Variants in PCDH15 observed in about 807,000 individuals in gnomAD.
PCDH15 encodes protocadherin related 15.
A neutral mutation model predicts 178.5 loss-of-function variants in PCDH15; 129 were observed. The observed-to-expected ratio is 0.72, with a 90% confidence interval of 0.63 to 0.84. The LOEUF is 0.84. Among genes scored for constraint, PCDH15 ranks in the 40% least tolerant of loss-of-function variants. The probability of loss-of-function intolerance (pLI) is 0.00; values close to 1 mark genes in which losing one functional copy is unlikely to be tolerated. For synonymous variants in PCDH15, 800 were observed against 732.0 expected, an observed-to-expected ratio of 1.09 and a Z score of -1.50; for missense variants, 2,230 against 2,099.9, an observed-to-expected ratio of 1.06 and a Z score of -1.21.
intron 21 of PCDH15, among the ~76,000 whole-genome samples, chr10:53,982,553 A>C (rs991174873): frequency 1.3e-5 from 2 of 151,650 alleles, no homozygotes; most frequent in Non-Finnish European, 2.9e-5. Context: ...CATCATTTTC[A>C]GCAAACTATC....
At chr10:55,610,169 G>T (rs1164359879) in intron 2 of PCDH15, among the ~76,000 whole-genome samples, 1 of 152,042 alleles carries the variant, frequency 6.6e-6, no homozygotes, top group East Asian at 1.9e-4. Context: ...CTAAAAGCTG[G>T]AAGGCCAGTC....
intron 2 of PCDH15, among the ~76,000 whole-genome samples, chr10:54,624,793 T>C (rs1442764323): frequency 2.0e-5 from 3 of 152,184 alleles, no homozygotes; most frequent in Non-Finnish European, 4.4e-5. Flanking sequence ...GAACTGTGCA[T>C]ATGAGGGGTC....
At chr10:54,471,621 C>A (rs2077924433) in intron 3 of PCDH15, among the ~76,000 whole-genome samples, 1 of 151,252 alleles carries the variant, frequency 6.6e-6, no homozygotes, top group East Asian at 1.9e-4. Flanking sequence ...ATTGCAGAAT[C>A]TTCTATTTTA....
intron 2 of PCDH15, among the ~76,000 whole-genome samples, chr10:55,529,785 A>G (rs1443303349): frequency 1.6e-5 from 2 of 125,394 alleles, no homozygotes; most frequent in Non-Finnish European, 3.4e-5. Context: ...ATATTTGATT[A>G]CCACAAATAC....
At chr10:55,038,029 G>T (rs1031143411) in intron 2 of PCDH15, among the ~76,000 whole-genome samples, 2 of 152,024 alleles carry the variant, frequency 1.3e-5, no homozygotes, top group Admixed American at 1.3e-4. Context: ...ACACAGAAAT[G>T]ATCTAGATAA....
At chr10:54,244,780 A>G (rs771169768) in intron 8 of PCDH15, among the ~76,000 whole-genome samples, 6 of 152,176 alleles carry the variant, frequency 3.9e-5, no homozygotes, top group Non-Finnish European at 8.8e-5. Flanking sequence ...GTGCACATCA[A>G]AAATCCTCCA....
Position 55,306,071 on chromosome 10 carries a change from TA to T in PCDH15, c.-156+13527del, listed in dbSNP as rs1260769182. 2.6e-5 allele frequency among the ~76,000 whole-genome samples: 4 copies of T among 152,362 alleles called. No homozygotes were observed. In the East Asian group the frequency reaches 7.7e-4, roughly 29 times the overall value. ...ATAAAATGGCAATCATGTATAATTT[TA>T]AATGTAAATGGTAGACCCACCCAAG... On this transcript the variant is annotated intron_variant, in intron 1 of 5. Coordinates refer to the PCDH15 transcript ENST00000458638.
chr10:55,220,636 A>G (rs867445469), intron 1 of PCDH15, among the ~76,000 whole-genome samples: 17 of 152,218 alleles, frequency 1.1e-4, no homozygotes, highest in Middle Eastern at 3.4e-3. Context: ...TTACAACACA[A>G]TGGTAAGTAC....
intron 1 of PCDH15, among the ~76,000 whole-genome samples, chr10:54,702,926 A>C (rs1432469506): frequency 1.3e-5 from 2 of 151,942 alleles, no homozygotes; most frequent in Non-Finnish European, 2.9e-5. Flanking sequence ...GAAAACTTCA[A>C]GCCAGTATTC....
At chr10:54,025,151 T>A (rs528904166) in intron 18 of PCDH15, among the ~76,000 whole-genome samples, 6 of 152,334 alleles carry the variant, frequency 3.9e-5, no homozygotes, top group Non-Finnish European at 8.8e-5. Context: ...GTTTTATACA[T>A]GTCCAGCTGC....
Position 54,449,928 on chromosome 10 carries a change from G to A in PCDH15, c.158-70986C>T, listed in dbSNP as rs909490905. Among the ~76,000 whole-genome samples the A allele has an allele frequency of 2.6e-5, 4 of 151,372 alleles. No homozygotes were observed. The East Asian group carries it at 5.8e-4, about 22-fold the overall frequency. On this transcript the variant is annotated intron_variant, in intron 3 of 37. Transcript: ENST00000644397. ...GCTACAAAAGCAAATTACTTATTTC[G>A]CCTCTTGCTGTTGACTTAAGGAAAA... is the stretch of plus-strand genomic sequence containing the variant.
intron 5 of PCDH15, among the ~76,000 whole-genome samples, chr10:54,351,654 G>A (rs576964910): frequency 2.6e-5 from 4 of 151,942 alleles, no homozygotes; most frequent in Non-Finnish European, 4.4e-5. Context: ...CTGGTTCCTC[G>A]GACAACCTCA....
intron 1 of PCDH15, among the ~76,000 whole-genome samples, chr10:55,248,484 T>G (rs575954113): frequency 1.3e-5 from 2 of 152,132 alleles, no homozygotes; most frequent in African/African-American, 2.4e-5. Context: ...GGGCCTATTA[T>G]GAGATAAAGG....
At chr10:54,309,969 C>G (rs2060801542) in intron 8 of PCDH15, among the ~76,000 whole-genome samples, 1 of 151,900 alleles carries the variant, frequency 6.6e-6, no homozygotes. Flanking sequence ...AATGGGATCA[C>G]AAAGAGAAAC....
chr10:55,542,279 G>A lies in PCDH15; in HGVS notation c.-156+85346C>T, dbSNP rs114704498. ...TGTATGTACAGTATGTCTATATTAT[G>A]TATATATGGACATATGTACAATATG... On this transcript the variant is annotated intron_variant, in intron 2 of 5. Transcript: ENST00000613346. Among the ~76,000 whole-genome samples, 760 of 150,638 alleles carry A rather than the reference G, an allele frequency of 5.0e-3. 3 individuals carry two copies. Among genetic ancestry groups the A allele is most frequent in the African/African-American group, 0.018 (723 of 41,212 alleles).
chr10:55,003,930 A>G (rs1446886054), intron 2 of PCDH15, among the ~76,000 whole-genome samples: 4 of 152,228 alleles, frequency 2.6e-5, no homozygotes, highest in Non-Finnish European at 5.9e-5. Context: ...ACATGCAGGT[A>G]TCTGCAGGTG....
chr10:54,599,869 G>A lies in PCDH15; in HGVS notation c.91+64303C>T. The A allele has an allele frequency of 7.4e-6, 5 of 677,992 alleles. No homozygotes were observed. The South Asian group carries it at 7.7e-5, about 10-fold the overall frequency. The allele number at this position is 677,992 out of a possible 1,614,324, so 42.0% of individuals were successfully genotyped here. On this transcript the variant is annotated intron_variant, in intron 2 of 37. Transcript: ENST00000644397. ...AGAAACAGAGGCTGAAGGTGAAGTA[G>A]AGGAAGCCAAAGCTAAAGAGGAAAA...
intron 3 of PCDH15, among the ~76,000 whole-genome samples, chr10:54,394,084 G>A (rs1192449223): frequency 6.6e-6 from 1 of 151,986 alleles, no homozygotes; most frequent in Non-Finnish European, 1.5e-5. Context: ...ATGAAAATAT[G>A]ACCATGTTAT....
intron 2 of PCDH15, among the ~76,000 whole-genome samples, chr10:55,431,703 C>T (rs1020683860): frequency 6.6e-6 from 1 of 152,112 alleles, no homozygotes; most frequent in Non-Finnish European, 1.5e-5. Flanking sequence ...GTAAGCCGTT[C>T]ATGTGTTTTC....
Sources: allele counts gnomAD v4.1 joint callset (sites outside exome capture counted in the v4.1 genomes callset), GRCh38; gene constraint gnomAD v4.1.1; transcripts MANE v1.5; gene names NCBI Gene and HGNC (gene_info 2026-07-23, HGNC 2026-07-21).